The following DLG2 variants were observed in gnomAD, a reference collection of about 807,000 sequenced individuals.
The protein encoded by DLG2 is discs large MAGUK scaffold protein 2.
In DLG2, 45 loss-of-function variants were observed where a neutral mutation model predicts 132.5. The observed-to-expected ratio is 0.34, with a 90% CI of 0.27 to 0.44. The LOEUF is 0.44. DLG2 is among the 20% of genes least tolerant of loss of function. The pLI is 1.00. For missense variants in DLG2, 1,045 were observed against 1,196.9 expected, an observed-to-expected ratio of 0.87 and a Z score of 1.87; for synonymous variants, 424 against 419.6, an observed-to-expected ratio of 1.01 and a Z score of -0.13.
intron 18 of DLG2, chr11:83,684,672 T>G (rs1352665168): frequency 6.6e-6 from 1 of 152,132 alleles, no homozygotes; most frequent in Non-Finnish European, 1.5e-5. Flanking sequence ...ACTTCCTATA[T>G]GTCTGAAGTA....
intron 18 of DLG2, among the ~76,000 whole-genome samples, chr11:83,633,777 C>T (rs1225366797): frequency 2.7e-5 from 4 of 150,686 alleles, no homozygotes; most frequent in Non-Finnish European, 4.4e-5. Context: ...CACACACACA[C>T]ACACAACTGC....
At chr11:85,223,653 T>A (rs2074800557) in intron 4 of DLG2, among the ~76,000 whole-genome samples, 1 of 151,972 alleles carries the variant, frequency 6.6e-6, no homozygotes, top group Non-Finnish European at 1.5e-5. Flanking sequence ...TGTTGTTGTT[T>A]TTGTTTTTTT....
chr11:83,491,924 C>G (rs1441000772), intron 21 of DLG2, among the ~76,000 whole-genome samples: 1 of 152,046 alleles, frequency 6.6e-6, no homozygotes, highest in South Asian at 2.1e-4. Flanking sequence ...ATCATCTACA[C>G]CAGAGGTCAG....
chr11:84,663,139 T>C (rs2099696378), intron 6 of DLG2, among the ~76,000 whole-genome samples: 1 of 152,070 alleles, frequency 6.6e-6, no homozygotes, highest in Non-Finnish European at 1.5e-5. Context: ...ACCTCAGATA[T>C]TAACTATTCA....
At chr11:85,552,956 A>G (rs1254333193) in intron 3 of DLG2, among the ~76,000 whole-genome samples, 1 of 151,778 alleles carries the variant, frequency 6.6e-6, no homozygotes, top group African/African-American at 2.4e-5. Flanking sequence ...TCCACACTGG[A>G]TACATCATTG....
At chr11:83,534,206 T>C (rs1316169694) in intron 20 of DLG2, among the ~76,000 whole-genome samples, 6 of 152,350 alleles carry the variant, frequency 3.9e-5, no homozygotes, top group African/African-American at 1.4e-4. Flanking sequence ...TGTGTTTACT[T>C]ACATTTGCAC....
chr11:83,497,544 A>AAC (rs539175745), intron 21 of DLG2, among the ~76,000 whole-genome samples: 1,660 of 81,060 alleles, frequency 0.02, 19 homozygotes, highest in Middle Eastern at 0.051. Flanking sequence ...CAAAAACAAA[A>AAC]AACAAAAAAC....
At chr11:83,590,767 G>C (rs2153304551) in intron 19 of DLG2, among the ~76,000 whole-genome samples, 1 of 152,124 alleles carries the variant, frequency 6.6e-6, no homozygotes, top group African/African-American at 2.4e-5. Context: ...GAAAAAAAGA[G>C]ACAAGAATCA....
intron 8 of DLG2, among the ~76,000 whole-genome samples, chr11:84,181,222 G>A (rs1017643074): frequency 6.6e-6 from 1 of 151,696 alleles, no homozygotes; most frequent in African/African-American, 2.4e-5. Flanking sequence ...GCAGAATGGG[G>A]AATATTTTGT....
intron 3 of DLG2, among the ~76,000 whole-genome samples, chr11:85,495,601 G>A (rs1424877263): frequency 6.6e-6 from 1 of 152,184 alleles, no homozygotes; most frequent in Admixed American, 6.5e-5. Flanking sequence ...ATGCCAGTTA[G>A]AATGGTGATC....
intron 3 of DLG2, among the ~76,000 whole-genome samples, chr11:85,426,151 G>C (rs2090712264): frequency 6.6e-6 from 1 of 152,166 alleles, no homozygotes; most frequent in Non-Finnish European, 1.5e-5. Context: ...AGCTCGAACT[G>C]GGTAGAGCCC....
chr11:85,448,826 T>G lies in DLG2; in HGVS notation c.40+149831A>C, dbSNP rs144171718. On this transcript the variant is annotated intron_variant, in intron 3 of 27. Transcript: ENST00000376104. ...CTAAAGCATTTACACATAGCCTTGC[T>G]CCTTCCTTTCCTTTGAGCCTATCAA... 2.1e-3 allele frequency among the ~76,000 whole-genome samples: 322 copies of G among 152,222 alleles called. 2 individuals are homozygous for G. Among genetic ancestry groups the G allele is most frequent in the African/African-American group, 7.5e-3 (312 of 41,554 alleles).
At chr11:84,415,197 ATTC>A (rs1382001054) in intron 7 of DLG2, among the ~76,000 whole-genome samples, 2 of 152,188 alleles carry the variant, frequency 1.3e-5, no homozygotes, top group Non-Finnish European at 2.9e-5. Context: ...TGGAAATGTG[ATTC>A]TTATTAGTAA....
intron 6 of DLG2, among the ~76,000 whole-genome samples, chr11:84,864,707 G>T (rs550825933): frequency 6.6e-6 from 1 of 152,272 alleles, no homozygotes; most frequent in Non-Finnish European, 1.5e-5. Flanking sequence ...AGAGCAACAT[G>T]GCAGTGTAAC....
At chr11:85,431,471 C>A (rs775772080) in intron 3 of DLG2, among the ~76,000 whole-genome samples, 1 of 152,246 alleles carries the variant, frequency 6.6e-6, no homozygotes, top group Non-Finnish European at 1.5e-5. Context: ...ACCACGGAGC[C>A]CTGCAGATTC....
Position 85,047,492 on chromosome 11 carries a change from A to G in DLG2, c.357+64169T>C, listed in dbSNP as rs78434320. ...GTTGAGGCATTCTAATTCAGACTTC[A>G]TAGCTTTTGGAGTGAGAAGGTTTAG... On this transcript the variant is annotated intron_variant, in intron 6 of 27. Coordinates refer to ENST00000376104, the MANE Select transcript of DLG2 (RefSeq NM_001142699.3). Among the ~76,000 whole-genome samples the G allele has an allele frequency of 1.3e-3, 195 of 152,040 alleles. 1 individual carries two copies. Among genetic ancestry groups the G allele is most frequent in the African/African-American group, 4.6e-3 (191 of 41,524 alleles).
rs1186622888 is a variant in DLG2 at position 84,600,147 on chromosome 11, AGAAAGAAAGAAG to A, written c.358-65428_358-65417del. Among the ~76,000 whole-genome samples, 7 of 122,762 alleles carry A rather than the reference AGAAAGAAAGAAG, an allele frequency of 5.7e-5. No homozygotes were observed. In the East Asian group the frequency reaches 6.4e-4, roughly 11 times the overall value. 80.5% of individuals were successfully genotyped at this position (122,762 alleles called of 152,430 possible). On this transcript the variant is annotated intron_variant, in intron 6 of 27. Transcript: ENST00000376104. ...GAAAGAGAAAGAAAGAAAGAAGGAAAGAAAGAAAGAAGGAAAGAAAGAAAGAAAGAAAGAAAG... is the reference window on the plus strand; with the variant it reads ...GAAAGAGAAAGAAAGAAAGAAGGAAAGAAAGAAAGAAAGAAAGAAAGAAAG...
At chr11:85,490,391 A>G (rs1235726556) in intron 3 of DLG2, among the ~76,000 whole-genome samples, 1 of 151,978 alleles carries the variant, frequency 6.6e-6, no homozygotes, top group Non-Finnish European at 1.5e-5. Flanking sequence ...AGTTCAAGGA[A>G]CTAGAAAAGC....
chr11:85,481,263 A>C (rs1038912484), intron 3 of DLG2, among the ~76,000 whole-genome samples: 1 of 152,214 alleles, frequency 6.6e-6, no homozygotes, highest in Non-Finnish European at 1.5e-5. Context: ...GTAGAAATTA[A>C]GATAAAAGTG....
Sources: allele counts gnomAD v4.1 joint callset (sites outside exome capture counted in the v4.1 genomes callset), GRCh38; gene constraint gnomAD v4.1.1; transcripts MANE v1.5; gene names NCBI Gene and HGNC (gene_info 2026-07-23, HGNC 2026-07-21).